Variants in NKAIN2 observed in about 807,000 individuals in gnomAD.
The protein encoded by NKAIN2 is sodium/potassium-transporting ATPase subunit beta-1-interacting protein 2.
NKAIN2 carries 14 observed loss-of-function variants against 32.6 expected under a neutral mutation model. That is an observed-to-expected ratio of 0.43 (90% CI 0.28 to 0.67). The LOEUF is 0.67. Among genes scored for constraint, NKAIN2 ranks in the 30% least tolerant of loss-of-function variants. The probability of loss-of-function intolerance (pLI) is 0.17; values close to 1 mark genes in which losing one functional copy is unlikely to be tolerated. For missense variants in NKAIN2, 198 were observed against 258.3 expected, an observed-to-expected ratio of 0.77 and a Z score of 1.60; for synonymous variants, 80 against 87.2, an observed-to-expected ratio of 0.92 and a Z score of 0.46.
chr6:124,537,963 A>G (rs1216620556), intron 3 of NKAIN2, among the ~76,000 whole-genome samples: 1 of 152,138 alleles, frequency 6.6e-6, no homozygotes, highest in Non-Finnish European at 1.5e-5. Context: ...GTTTTTAGAT[A>G]AATATTTTCT....
chr6:124,185,149 A>G (rs1208305854), intron 1 of NKAIN2, among the ~76,000 whole-genome samples: 3 of 152,172 alleles, frequency 2.0e-5, no homozygotes, highest in African/African-American at 7.2e-5. Flanking sequence ...AGTCATAGCA[A>G]TTCTACTATA....
intron 1 of NKAIN2, among the ~76,000 whole-genome samples, chr6:124,025,630 T>G (rs1781074542): frequency 6.6e-6 from 1 of 152,194 alleles, no homozygotes; most frequent in Non-Finnish European, 1.5e-5. Context: ...TCATGATGAC[T>G]GTAGTTAATA....
intron 1 of NKAIN2, among the ~76,000 whole-genome samples, chr6:124,204,683 T>A (rs1054299729): frequency 5.3e-5 from 8 of 151,892 alleles, no homozygotes; most frequent in African/African-American, 1.9e-4. Context: ...GCGTCTAATA[T>A]GACTTTGAAA....
At chr6:124,418,637 G>A (rs989389215) in intron 3 of NKAIN2, among the ~76,000 whole-genome samples, 4 of 149,318 alleles carry the variant, frequency 2.7e-5, no homozygotes, top group African/African-American at 9.8e-5. Context: ...CAACAAACTA[G>A]AACTATCACG....
At chr6:124,228,459 T>C (rs1263999264) in intron 1 of NKAIN2, among the ~76,000 whole-genome samples, 1 of 152,180 alleles carries the variant, frequency 6.6e-6, no homozygotes, top group Non-Finnish European at 1.5e-5. Context: ...ATCCAGGCTC[T>C]TATACTTTGT....
chr6:123,906,904 A>T (rs1212537175), intron 1 of NKAIN2, among the ~76,000 whole-genome samples: 1 of 152,232 alleles, frequency 6.6e-6, no homozygotes. Context: ...TAATACATAC[A>T]TACCACAACA....
intron 1 of NKAIN2, among the ~76,000 whole-genome samples, chr6:124,102,349 A>C (rs894638967): frequency 2.0e-5 from 3 of 152,194 alleles, no homozygotes; most frequent in Non-Finnish European, 4.4e-5. Context: ...TTCAGCTCCC[A>C]TCAGAAATGA....
At chr6:123,931,218 T>C (rs2114520873) in intron 1 of NKAIN2, among the ~76,000 whole-genome samples, 1 of 152,168 alleles carries the variant, frequency 6.6e-6, no homozygotes, top group South Asian at 2.1e-4. Context: ...TTCTTCTCAT[T>C]TACATAGCTC....
intron 3 of NKAIN2, among the ~76,000 whole-genome samples, chr6:124,614,849 C>A (rs1013156354): frequency 3.3e-5 from 5 of 152,208 alleles, no homozygotes; most frequent in Non-Finnish European, 7.3e-5. Context: ...CTCTTCGTTT[C>A]ATTCCCTAAT....
intron 1 of NKAIN2, among the ~76,000 whole-genome samples, chr6:124,232,084 G>A (rs75571949): frequency 0.08 from 12,211 of 152,058 alleles, 709 homozygotes; most frequent in Non-Finnish European, 0.12. Flanking sequence ...TTAAGAATCG[G>A]TCGACATTCA....
intron 1 of NKAIN2, among the ~76,000 whole-genome samples, chr6:123,893,062 T>A: frequency 6.6e-6 from 1 of 152,044 alleles, no homozygotes; most frequent in East Asian, 1.9e-4. Context: ...CAAATAATTG[T>A]TATATAAAAT....
intron 1 of NKAIN2, among the ~76,000 whole-genome samples, chr6:124,235,669 G>T (rs934598838): frequency 2.0e-5 from 3 of 151,284 alleles, no homozygotes; most frequent in African/African-American, 7.3e-5. Context: ...TGCGGTCTTA[G>T]CTCACTGCAA....
chr6:124,065,439 G>A (rs536145624), intron 1 of NKAIN2, among the ~76,000 whole-genome samples: 1 of 152,096 alleles, frequency 6.6e-6, no homozygotes, highest in South Asian at 2.1e-4. Context: ...TTAGATGGTG[G>A]TGCCTTCAGG....
At chr6:123,869,797 G>A (rs1274150178) in intron 1 of NKAIN2, among the ~76,000 whole-genome samples, 1 of 152,144 alleles carries the variant, frequency 6.6e-6, no homozygotes, top group Non-Finnish European at 1.5e-5. Context: ...ATCAGTAAAA[G>A]TAAATACTTT....
intron 1 of NKAIN2, among the ~76,000 whole-genome samples, chr6:124,278,925 G>A (rs1795166241): frequency 6.6e-6 from 1 of 151,688 alleles, no homozygotes; most frequent in Admixed American, 6.6e-5. Flanking sequence ...GCCTTAATAA[G>A]GATATAATGA....
chr6:124,007,879 A>G (rs1455734257), intron 1 of NKAIN2, among the ~76,000 whole-genome samples: 1 of 152,172 alleles, frequency 6.6e-6, no homozygotes, highest in Non-Finnish European at 1.5e-5. Context: ...GCCACACTCT[A>G]TGCTGCCAAT....
chr6:124,417,655 T>A (rs1389500565), intron 3 of NKAIN2, among the ~76,000 whole-genome samples: 1 of 152,202 alleles, frequency 6.6e-6, no homozygotes, highest in Non-Finnish European at 1.5e-5. Flanking sequence ...TTCTACTCTA[T>A]GTTTTGTGAC....
intron 3 of NKAIN2, among the ~76,000 whole-genome samples, chr6:124,410,551 G>T (rs981158542): frequency 6.6e-6 from 1 of 152,172 alleles, no homozygotes; most frequent in African/African-American, 2.4e-5. Context: ...TTGCACTGTG[G>T]TCTGAGAGAC....
chr6:124,810,804 C>G (rs375421754), intron 5 of NKAIN2, among the ~76,000 whole-genome samples: 1 of 151,904 alleles, frequency 6.6e-6, no homozygotes, highest in Non-Finnish European at 1.5e-5. Flanking sequence ...TCATTTCATT[C>G]CATGTATGCT....
Sources: gnomAD v4.1 joint callset for allele counts (sites outside exome capture counted in the v4.1 genomes callset) on GRCh38, gnomAD v4.1.1 for gene constraint, MANE v1.5 for transcripts, NCBI Gene and HGNC (gene_info 2026-07-23, HGNC 2026-07-21) for gene names.